Variants in NAALADL2 observed in about 807,000 individuals in gnomAD.
NAALADL2 encodes N-acetylated alpha-linked acidic dipeptidase like 2.
Under a neutral mutation model 87.2 loss-of-function variants are expected in NAALADL2, and 76 were observed. The ratio of observed to expected loss-of-function variants is 0.87; its 90% CI spans 0.72 to 1.05. NAALADL2 has a LOEUF of 1.05. Ranked by LOEUF, NAALADL2 falls within the 50% of genes least tolerant of loss-of-function variation. The probability of loss-of-function intolerance (pLI) is 0.00; values close to 1 mark genes in which losing one functional copy is unlikely to be tolerated. For missense variants in NAALADL2, 1,089 were observed against 945.8 expected, an observed-to-expected ratio of 1.15 and a Z score of -1.99; for synonymous variants, 354 against 331.0, an observed-to-expected ratio of 1.07 and a Z score of -0.75.
At chr3:174,923,381 A>G (rs1735523318) in intron 1 of NAALADL2, among the ~76,000 whole-genome samples, 1 of 152,198 alleles carries the variant, frequency 6.6e-6, no homozygotes, top group African/African-American at 2.4e-5. Context: ...TTATTTAATC[A>G]ATAACTAAAT....
At chr3:175,712,519 G>C (rs1317412085) in intron 11 of NAALADL2, among the ~76,000 whole-genome samples, 2 of 151,972 alleles carry the variant, frequency 1.3e-5, no homozygotes, top group African/African-American at 2.4e-5. Flanking sequence ...GGTTTGAACT[G>C]CCTGAAATCC....
chr3:174,903,818 T>A (rs947427384), intron 1 of NAALADL2, among the ~76,000 whole-genome samples: 1 of 151,752 alleles, frequency 6.6e-6, no homozygotes, highest in Non-Finnish European at 1.5e-5. Flanking sequence ...ATTAAGAAAA[T>A]TAAAACTTTT....
intron 13 of NAALADL2, among the ~76,000 whole-genome samples, chr3:175,770,454 T>C (rs1749346139): frequency 6.6e-6 from 1 of 152,192 alleles, no homozygotes; most frequent in African/African-American, 2.4e-5. Flanking sequence ...TAAATAATCT[T>C]GAGAAGAAGG....
chr3:174,593,858 T>C (rs1261423322), intron 2 of NAALADL2, among the ~76,000 whole-genome samples: 2 of 152,092 alleles, frequency 1.3e-5, no homozygotes, highest in Admixed American at 6.5e-5. Context: ...TGAAGAGTAA[T>C]GATGGGTAAG....
In NAALADL2 at chr3:175,733,906, T is replaced by G. The variant is rs530243622; in HGVS notation, c.1897-3400T>G. On this transcript the variant is annotated intron_variant, in intron 11 of 13. Coordinates refer to ENST00000454872, the MANE Select transcript of NAALADL2 (RefSeq NM_207015.3). ...TAAAATGATCTCCTTTGACTCCATG[T>G]CTCACATCCAGGTTATGCTGATGCA... Among the ~76,000 whole-genome samples the G allele has an allele frequency of 2.0e-5, 3 of 152,340 alleles. No homozygotes were observed. In the South Asian group the frequency reaches 6.2e-4, roughly 32 times the overall value.
intron 4 of NAALADL2, among the ~76,000 whole-genome samples, chr3:175,260,411 C>A (rs567946265): frequency 6.6e-6 from 1 of 152,204 alleles, no homozygotes; most frequent in Non-Finnish European, 1.5e-5. Context: ...TGGATTGTCC[C>A]AGAGATTTGG....
intron 5 of NAALADL2, among the ~76,000 whole-genome samples, chr3:175,445,650 A>C (rs929209955): frequency 2.6e-5 from 4 of 152,152 alleles, no homozygotes; most frequent in Admixed American, 2.0e-4. Flanking sequence ...TTTGTGTTAA[A>C]TCAACAGTCA....
intron 9 of NAALADL2, among the ~76,000 whole-genome samples, 169 bp downstream of exon 9, chr3:175,471,927 C>A (rs1241353105): frequency 6.6e-6 from 1 of 151,820 alleles, no homozygotes; most frequent in African/African-American, 2.4e-5. Context: ...TAACTAATTT[C>A]TTATGTTCTG....
chr3:174,770,441 G>T (rs921339536), intron 3 of NAALADL2, among the ~76,000 whole-genome samples: 1 of 152,194 alleles, frequency 6.6e-6, no homozygotes, highest in Non-Finnish European at 1.5e-5. Flanking sequence ...GAATAGGTAT[G>T]ATTGGTAATC....
At chr3:175,112,961 T>C (rs1724457683) in intron 2 of NAALADL2, among the ~76,000 whole-genome samples, 1 of 151,538 alleles carries the variant, frequency 6.6e-6, no homozygotes, top group South Asian at 2.1e-4. Flanking sequence ...TCAGGAAAGG[T>C]TGAACAAAGA....
chr3:174,720,227 T>C (rs2108948048), intron 2 of NAALADL2, among the ~76,000 whole-genome samples: 1 of 152,306 alleles, frequency 6.6e-6, no homozygotes, highest in African/African-American at 2.4e-5. Context: ...TTAAAGTAAC[T>C]TTTAAAATGT....
chr3:174,463,793 G>T (rs1010632947), intron 1 of NAALADL2, among the ~76,000 whole-genome samples: 1 of 151,892 alleles, frequency 6.6e-6, no homozygotes, highest in Admixed American at 6.6e-5. Flanking sequence ...GTAGAGACGC[G>T]ATTTCACCGT....
Position 175,383,067 on chromosome 3 carries a change from C to G in NAALADL2, c.1090+58742C>G, listed in dbSNP as rs919316152. Reference sequence around the variant, plus strand: ...GTTTTTAATTATGGATACATAATCACTATATATTTACAGGGTATATGTGAT... The same window carrying G: ...GTTTTTAATTATGGATACATAATCAGTATATATTTACAGGGTATATGTGAT... On this transcript the variant is annotated intron_variant, in intron 5 of 13. Coordinates refer to ENST00000454872, the MANE Select transcript of NAALADL2 (RefSeq NM_207015.3). 1.2e-4 allele frequency among the ~76,000 whole-genome samples: 18 copies of G among 152,022 alleles called. 1 individual carries two copies. Among genetic ancestry groups the G allele is most frequent in the Admixed American group, 4.6e-4 (7 of 15,260 alleles).
intron 1 of NAALADL2, among the ~76,000 whole-genome samples, chr3:175,058,819 T>C (rs1053814235): frequency 1.3e-5 from 2 of 152,236 alleles, no homozygotes; most frequent in Admixed American, 1.3e-4. Context: ...GCAGTATCCT[T>C]AACATTAAGA....
intron 1 of NAALADL2, among the ~76,000 whole-genome samples, chr3:174,504,141 A>G (rs769374332): frequency 1.3e-5 from 2 of 152,156 alleles, no homozygotes; most frequent in African/African-American, 4.8e-5. Flanking sequence ...GTCAGTTTAT[A>G]TATTTTGCCA....
At chr3:175,161,620 A>C (rs1260218380) in intron 2 of NAALADL2, among the ~76,000 whole-genome samples, 1 of 149,700 alleles carries the variant, frequency 6.7e-6, no homozygotes, top group African/African-American at 2.5e-5. Flanking sequence ...TCAGAAACCA[A>C]CCCCCCCGCC....
chr3:175,241,855 A>ATTTTTTTTTTTTTTTTTTTT lies in NAALADL2; in HGVS notation c.819+7654_819+7673dup, dbSNP rs779567135. 6.0e-5 allele frequency among the ~76,000 whole-genome samples: 5 copies of ATTTTTTTTTTTTTTTTTTTT among 83,812 alleles called. 1 individual carries two copies. Among genetic ancestry groups the ATTTTTTTTTTTTTTTTTTTT allele is most frequent in the African/African-American group, 9.3e-5 (2 of 21,540 alleles). 55.0% of individuals were successfully genotyped at this position (83,812 alleles called of 152,430 possible). ...TAGTGAGAAAGTATCTGGATGCTGA[A>ATTTTTTTTTTTTTTTTTTTT]TTTTTTTTTTTTTTTTTTTTTTCTT... On this transcript the variant is annotated intron_variant, in intron 3 of 13. Coordinates refer to ENST00000454872, the MANE Select transcript of NAALADL2 (RefSeq NM_207015.3).
At chr3:175,303,785 A>C (rs1757365863) in intron 4 of NAALADL2, among the ~76,000 whole-genome samples, 1 of 152,156 alleles carries the variant, frequency 6.6e-6, no homozygotes, top group Admixed American at 6.5e-5. Context: ...GTTTCTGTGA[A>C]AAAAATTTAC....
At chr3:175,590,520 C>G (rs763786222) in intron 10 of NAALADL2, among the ~76,000 whole-genome samples, 1 of 151,884 alleles carries the variant, frequency 6.6e-6, no homozygotes, top group Non-Finnish European at 1.5e-5. Flanking sequence ...ATAATCAGTA[C>G]CAAGATGGCA....
Sources: allele counts gnomAD v4.1 joint callset (sites outside exome capture counted in the v4.1 genomes callset), GRCh38; gene constraint gnomAD v4.1.1; transcripts MANE v1.5; gene names NCBI Gene and HGNC (gene_info 2026-07-23, HGNC 2026-07-21).